KSR1: variants seen among roughly 807,000 people sequenced by gnomAD.
KSR1 encodes kinase suppressor of ras.
In KSR1, 35 loss-of-function variants were observed where a neutral mutation model predicts 92.9. The ratio of observed to expected loss-of-function variants is 0.38; its 90% CI spans 0.29 to 0.50. KSR1 has a LOEUF of 0.50. KSR1 is among the 20% of genes least tolerant of loss of function. The pLI, the probability that KSR1 is intolerant of heterozygous loss-of-function variation, is 0.94. For synonymous variants in KSR1, 467 were observed against 472.6 expected (o/e 0.99, Z 0.15); for missense variants, 972 against 1,158.5 (o/e 0.84, Z 2.34).
At chr17:27,526,094 T>TTCTTTCTTTCTTTCTTTCTTTCTCTCTC (rs55706224) in intron 1 of KSR1, among the ~76,000 whole-genome samples, 3 of 118,400 alleles carry the variant, frequency 2.5e-5, no homozygotes, top group South Asian at 2.7e-4. Context: ...CTTTCTTTCT[T>TTCTTTCTTTCTTTCTTTCTTTCTCTCTC]TCTCTCTCTC....
chr17:27,548,646 A>G (rs2071276634), intron 1 of KSR1, among the ~76,000 whole-genome samples: 1 of 152,216 alleles, frequency 6.6e-6, no homozygotes, highest in Admixed American at 6.5e-5. Flanking sequence ...CCTGTCCAAC[A>G]TGGCGAAAAC....
intron 1 of KSR1, among the ~76,000 whole-genome samples, chr17:27,461,238 G>A (rs2019421129): frequency 6.6e-6 from 1 of 152,076 alleles, no homozygotes; most frequent in Admixed American, 6.6e-5. Flanking sequence ...GCCCCACTAT[G>A]TCCAGCTAAT....
At chr17:27,534,588 C>T (rs193220324) in intron 1 of KSR1, among the ~76,000 whole-genome samples, 9 of 152,358 alleles carry the variant, frequency 5.9e-5, no homozygotes, top group African/African-American at 1.9e-4. Flanking sequence ...GGCCCCAGCA[C>T]CTGACTATCC....
At chr17:27,597,153 T>A in intron 9 of KSR1, 115 bp from the exon 10 acceptor site, 1 of 1,170,872 alleles carries the variant, frequency 8.5e-7, no homozygotes, top group Non-Finnish European at 1.2e-6. Flanking sequence ...TGTCAGACCC[T>A]GAGGATTCCC....
intron 1 of KSR1, among the ~76,000 whole-genome samples, chr17:27,475,856 AT>A (rs532618742): frequency 3.3e-5 from 5 of 152,224 alleles, no homozygotes; most frequent in Non-Finnish European, 7.3e-5. Flanking sequence ...GGGTAAGAAC[AT>A]GAGCATATTC....
At chr17:27,469,403 A>G (rs777698978) in intron 1 of KSR1, among the ~76,000 whole-genome samples, 8 of 152,172 alleles carry the variant, frequency 5.3e-5, no homozygotes, top group Non-Finnish European at 1.2e-4. Context: ...CCACAACACA[A>G]TCGTGATGTC....
At chr17:27,515,423 T>C (rs2069749595) in intron 1 of KSR1, among the ~76,000 whole-genome samples, 1 of 152,170 alleles carries the variant, frequency 6.6e-6, no homozygotes, top group Non-Finnish European at 1.5e-5. Context: ...TCAGAACGTA[T>C]TTCTGTCGTT....
intron 1 of KSR1, chr17:27,527,080 CATTGA>C: frequency 2.3e-6 from 1 of 427,000 alleles, no homozygotes; most frequent in Non-Finnish European, 4.5e-6. Context: ...CCTGCAGGTA[CATTGA>C]TTGCTTAAGG....
intron 1 of KSR1, among the ~76,000 whole-genome samples, chr17:27,526,042 C>CTTTTCT (rs60220711): frequency 1.9e-4 from 20 of 105,316 alleles, no homozygotes; most frequent in African/African-American, 2.8e-4. Context: ...CTTTTCTTTT[C>CTTTTCT]TTTCTCTCTC....
intron 1 of KSR1, among the ~76,000 whole-genome samples, chr17:27,512,406 A>G (rs1444022680): frequency 6.6e-6 from 1 of 152,186 alleles, no homozygotes; most frequent in East Asian, 1.9e-4. Flanking sequence ...ATAAAGTGGC[A>G]TAGGATTCAG....
chr17:27,519,405 T>C (rs2069930368), intron 1 of KSR1, among the ~76,000 whole-genome samples: 1 of 152,058 alleles, frequency 6.6e-6, no homozygotes, highest in Admixed American at 6.5e-5. Context: ...ATTGTTTAGT[T>C]CAGCAATACT....
chr17:27,494,880 C>T (rs185970479), intron 1 of KSR1, among the ~76,000 whole-genome samples: 1 of 152,314 alleles, frequency 6.6e-6, no homozygotes, highest in Non-Finnish European at 1.5e-5. Context: ...CTGGGTGGCT[C>T]CCTGTGCCTG....
chr17:27,588,587 A>G, intron 6 of KSR1, 52 bp downstream of exon 6: 2 of 1,486,052 alleles, frequency 1.3e-6, no homozygotes, highest in Non-Finnish European at 1.8e-6. Context: ...GCTGGTACCC[A>G]GATGGGGCCA....
intron 16 of KSR1, 150 bp from the exon 17 acceptor site, chr17:27,609,917 C>T: frequency 5.3e-6 from 5 of 946,420 alleles, no homozygotes; most frequent in Non-Finnish European, 7.8e-6. Context: ...CGGTGCCTTT[C>T]CCAAGTGCAG....
chr17:27,571,625 A>G (rs1004274986), intron 2 of KSR1, among the ~76,000 whole-genome samples: 3 of 152,222 alleles, frequency 2.0e-5, no homozygotes, highest in East Asian at 1.9e-4. Flanking sequence ...TTCATCACCC[A>G]TGCACACCAG....
At chr17:27,516,366 G>T (rs1338590299) in intron 1 of KSR1, among the ~76,000 whole-genome samples, 1 of 152,080 alleles carries the variant, frequency 6.6e-6, no homozygotes, top group East Asian at 1.9e-4. Context: ...CACTGATGTG[G>T]GATTGGGCCA....
At chr17:27,585,958 A>G in intron 5 of KSR1, 1 of 458,028 alleles carries the variant, frequency 2.2e-6, no homozygotes, top group South Asian at 2.8e-5. Context: ...TTCCCCACCG[A>G]GACTCTCCAG....
At chr17:27,618,608 G>A (rs551708292) in intron 19 of KSR1, among the ~76,000 whole-genome samples, 29 of 152,326 alleles carry the variant, frequency 1.9e-4, no homozygotes, top group South Asian at 8.3e-4. Flanking sequence ...CTCTGCCGTC[G>A]CAACACGGGA....
chr17:27,472,956 G>T (rs1463825417), intron 1 of KSR1, among the ~76,000 whole-genome samples: 1 of 152,200 alleles, frequency 6.6e-6, no homozygotes, highest in African/African-American at 2.4e-5. Context: ...GTGTTTCCTA[G>T]GCTGGAGTTC....
Sources: allele counts gnomAD v4.1 joint callset (sites outside exome capture counted in the v4.1 genomes callset), GRCh38; gene constraint gnomAD v4.1.1; transcripts MANE v1.5; gene names NCBI Gene and HGNC (gene_info 2026-07-23, HGNC 2026-07-21).